The following ZNF385D variants were observed in gnomAD, a reference collection of about 807,000 sequenced individuals.
ZNF385D encodes the protein zinc finger protein 659.
In ZNF385D, 15 loss-of-function variants were observed where a neutral mutation model predicts 35.8. The observed-to-expected ratio is 0.42, with a 90% CI of 0.28 to 0.64. The LOEUF (loss-of-function observed/expected upper bound fraction) is 0.64. ZNF385D is among the 30% of genes least tolerant of loss of function. ZNF385D has a pLI of 0.23. For missense variants in ZNF385D, 474 were observed against 494.6 expected (o/e 0.96, Z 0.39); for synonymous variants, 212 against 186.8 (o/e 1.13, Z -1.10).
At chr3:21,461,133 G>A (rs1703145257) in intron 4 of ZNF385D, among the ~76,000 whole-genome samples, 1 of 152,178 alleles carries the variant, frequency 6.6e-6, no homozygotes, top group Non-Finnish European at 1.5e-5. Flanking sequence ...TTAGGGAATT[G>A]AGGTGAGAAA....
intron 3 of ZNF385D, among the ~76,000 whole-genome samples, chr3:21,900,625 AAGAC>A (rs1256463948): frequency 7.9e-5 from 12 of 152,206 alleles, no homozygotes; most frequent in African/African-American, 2.9e-4. Flanking sequence ...CAATTCAGAG[AAGAC>A]AGACTATAGT....
chr3:21,949,423 C>T (rs1290503450), intron 3 of ZNF385D, among the ~76,000 whole-genome samples: 1 of 151,838 alleles, frequency 6.6e-6, no homozygotes, highest in Non-Finnish European at 1.5e-5. Context: ...TGTTGGGCCT[C>T]TCAGTGGAGT....
chr3:21,772,761 T>C lies in ZNF385D; in HGVS notation c.326-107733A>G, dbSNP rs969186818. ...GCAAAGAGATATTTGAACACCTACG[T>C]TCATAACAGTGTTATTCACAATTGC... is the stretch of plus-strand genomic sequence containing the variant. On this transcript the variant is annotated intron_variant, in intron 3 of 5. Transcript: ENST00000494108. Among the ~76,000 whole-genome samples the C allele has an allele frequency of 3.3e-5, 5 of 151,984 alleles. 1 individual carries two copies. The highest frequency in any genetic ancestry group is 2.0e-4 in the Admixed American group (3 of 15,234).
At chr3:21,483,913 T>A (rs764959597) in intron 4 of ZNF385D, among the ~76,000 whole-genome samples, 3 of 152,226 alleles carry the variant, frequency 2.0e-5, no homozygotes, top group Admixed American at 6.5e-5. Context: ...TGAAATCCAA[T>A]TTATCTTTTT....
intron 2 of ZNF385D, among the ~76,000 whole-genome samples, chr3:22,232,865 C>G (rs547488323): frequency 1.3e-5 from 2 of 152,286 alleles, no homozygotes; most frequent in South Asian, 4.1e-4. Context: ...CTGCACAATT[C>G]TTGACATTGT....
chr3:22,168,402 A>G (rs181795446), intron 3 of ZNF385D: 1 of 152,334 alleles, frequency 6.6e-6, no homozygotes, highest in African/African-American at 2.4e-5. Flanking sequence ...CACCTATTTG[A>G]AAAGATATGC....
At chr3:21,629,108 GTGATCTGT>G (rs1214324537) in intron 2 of ZNF385D, among the ~76,000 whole-genome samples, 2 of 152,056 alleles carry the variant, frequency 1.3e-5, no homozygotes, top group Non-Finnish European at 2.9e-5. Context: ...AAAAAAAATT[GTGATCTGT>G]TGATCTGTTC....
intron 3 of ZNF385D, among the ~76,000 whole-genome samples, chr3:22,143,886 C>T (rs1346149896): frequency 6.6e-6 from 1 of 152,128 alleles, no homozygotes; most frequent in African/African-American, 2.4e-5. Flanking sequence ...TAACATCATA[C>T]ACACTAATAT....
At chr3:21,829,596 A>AGAAGAT (rs1169502595) in intron 3 of ZNF385D, among the ~76,000 whole-genome samples, 9 of 151,276 alleles carry the variant, frequency 5.9e-5, no homozygotes, top group Admixed American at 5.3e-4. Flanking sequence ...TTAGCCTTCG[A>AGAAGAT]GAAGATGACT....
intron 3 of ZNF385D, among the ~76,000 whole-genome samples, chr3:21,808,363 A>G (rs1313604023): frequency 6.6e-6 from 1 of 152,176 alleles, no homozygotes; most frequent in African/African-American, 2.4e-5. Context: ...CCAGGAAAAC[A>G]CTAGAAGCTA....
intron 3 of ZNF385D, among the ~76,000 whole-genome samples, chr3:21,785,098 A>T (rs1029587900): frequency 6.6e-6 from 1 of 152,086 alleles, no homozygotes; most frequent in Non-Finnish European, 1.5e-5. Flanking sequence ...CCCTGCACTG[A>T]CCGGGGAGGT....
intron 2 of ZNF385D, among the ~76,000 whole-genome samples, chr3:21,636,772 C>T (rs1415887125): frequency 6.6e-6 from 1 of 151,862 alleles, no homozygotes; most frequent in East Asian, 1.9e-4. Flanking sequence ...ATCTTTCAAT[C>T]CAATCAAGTT....
intron 2 of ZNF385D, among the ~76,000 whole-genome samples, chr3:21,636,761 C>T (rs894522105): frequency 5.9e-5 from 9 of 151,922 alleles, no homozygotes; most frequent in African/African-American, 1.9e-4. Flanking sequence ...CAGTACTTTA[C>T]ATCTTTCAAT....
chr3:22,364,171 C>T (rs1022390443), intron 2 of ZNF385D, among the ~76,000 whole-genome samples: 1 of 151,806 alleles, frequency 6.6e-6, no homozygotes, highest in Admixed American at 6.6e-5. Context: ...ATCTTAAACC[C>T]ATTATTTTAA....
chr3:22,205,677 G>A (rs1353162766), intron 2 of ZNF385D, among the ~76,000 whole-genome samples: 1 of 152,008 alleles, frequency 6.6e-6, no homozygotes, highest in African/African-American at 2.4e-5. Context: ...GTGTTAAGTT[G>A]TCATCAGATT....
At chr3:21,727,958 A>G (rs1363625759) in intron 1 of ZNF385D, among the ~76,000 whole-genome samples, 1 of 150,580 alleles carries the variant, frequency 6.6e-6, no homozygotes, top group Non-Finnish European at 1.5e-5. Context: ...ATGTGGCCAT[A>G]AAAAAGGATG....
chr3:21,857,324 G>A (rs201846140), intron 3 of ZNF385D, among the ~76,000 whole-genome samples: 4 of 152,214 alleles, frequency 2.6e-5, no homozygotes, highest in African/African-American at 9.6e-5. Flanking sequence ...GTTTCTTGAT[G>A]TTTTGCTCAT....
At chr3:22,117,044 G>C (rs1702848605) in intron 3 of ZNF385D, among the ~76,000 whole-genome samples, 1 of 151,994 alleles carries the variant, frequency 6.6e-6, no homozygotes, top group South Asian at 2.1e-4. Context: ...ATATCTGTTA[G>C]AGGCATGGAA....
intron 4 of ZNF385D, among the ~76,000 whole-genome samples, chr3:21,439,824 T>G (rs189299008): frequency 2.0e-5 from 3 of 152,204 alleles, no homozygotes; most frequent in African/African-American, 7.2e-5. Flanking sequence ...TAACATTTCT[T>G]AAGGCAAGTT....
Sources: gnomAD v4.1 joint callset for allele counts (sites outside exome capture counted in the v4.1 genomes callset) on GRCh38, gnomAD v4.1.1 for gene constraint, MANE v1.5 for transcripts, NCBI Gene and HGNC (gene_info 2026-07-23, HGNC 2026-07-21) for gene names.